FBXW12: variants seen among roughly 807,000 people sequenced by gnomAD.
FBXW12 encodes the protein F-box/WD repeat-containing protein 12.
In FBXW12, 43 loss-of-function variants were observed where a neutral mutation model predicts 55.3. The observed-to-expected ratio is 0.78, with a 90% CI of 0.61 to 1.00. FBXW12 has a LOEUF of 1.00. Among genes scored for constraint, FBXW12 ranks in the 50% least tolerant of loss-of-function variants. FBXW12 has a pLI of 0.00. For missense variants in FBXW12, 524 were observed against 560.5 expected (o/e 0.93, Z 0.66); for synonymous variants, 184 against 203.8 (o/e 0.90, Z 0.83).
chr3:48,392,502 T>C (rs1199268872), intron 10 of FBXW12, among the ~76,000 whole-genome samples: 1 of 151,106 alleles, frequency 6.6e-6, no homozygotes, highest in Admixed American at 6.6e-5. Context: ...ATGTTTTGAT[T>C]ACTATAGTTT....
At chr3:48,380,510 C>G (rs1312209838) in intron 7 of FBXW12, among the ~76,000 whole-genome samples, 192 bp from the exon 8 acceptor site, 1 of 152,168 alleles carries the variant, frequency 6.6e-6, no homozygotes, top group East Asian at 1.9e-4. Context: ...GTGAATGGGA[C>G]AGGAAGAATA....
At chr3:48,372,578 A>T in intron 1 of FBXW12, 106 bp from the exon 2 acceptor site, 1 of 1,346,094 alleles carries the variant, frequency 7.4e-7, no homozygotes, top group Non-Finnish European at 1.0e-6. Context: ...AGCTGTGTGG[A>T]TCAGGCCCCA....
rs1242088477 is a variant in FBXW12, at chr3:48,373,569, G to C, written c.150G>C (p.Trp50Cys). Reference sequence around the variant, plus strand: ...CCAGGTCACTATCTCTGCAGAGATGGGACTGCAGCAACTTCACCAATCAAC... The same window carrying C: ...CCAGGTCACTATCTCTGCAGAGATGCGACTGCAGCAACTTCACCAATCAAC... ...YLWRSLSLQR[W>C]DCSNFTNQHL... The change falls in exon 4 of 11, where the codon TGG (tryptophan) becomes TGC (cysteine). Residue 50 changes from tryptophan (W) to cysteine (C), a missense_variant. Trp to Cys is a radical substitution (Grantham distance 215, BLOSUM62 -2). Transcript: ENST00000296438. The C allele has an allele frequency of 3.7e-6, 6 of 1,613,932 alleles. No homozygotes were observed. Among genetic ancestry groups the C allele is most frequent in the African/African-American group, 2.7e-5 (2 of 74,892 alleles).
At chr3:48,393,786 T>C (rs910493220) in intron 10 of FBXW12, among the ~76,000 whole-genome samples, 1 of 150,292 alleles carries the variant, frequency 6.7e-6, no homozygotes, top group African/African-American at 2.4e-5. Flanking sequence ...TTCTTTCTTT[T>C]TTTTTTTTTT....
At chr3:48,385,645 C>T (rs1470790419) in intron 10 of FBXW12, among the ~76,000 whole-genome samples, 1 of 152,182 alleles carries the variant, frequency 6.6e-6, no homozygotes, top group African/African-American at 2.4e-5. Context: ...CCACCTACAA[C>T]ATACATGGGT....
intron 10 of FBXW12, among the ~76,000 whole-genome samples, chr3:48,389,420 G>A (rs897954359): frequency 1.3e-5 from 2 of 152,002 alleles, no homozygotes; most frequent in Admixed American, 6.6e-5. Context: ...ACTCTGTCAC[G>A]TAGGCTGGAG....
intron 8 of FBXW12, 110 bp downstream of exon 8, chr3:48,381,022 GTTTT>G (rs11378351): frequency 1.1e-3 from 610 of 572,012 alleles, no homozygotes; most frequent in Non-Finnish European, 1.3e-3. Context: ...GGGATTTCTA[GTTTT>G]TTTTTTTTTT....
At chr3:48,390,664 T>C (rs1174734021) in intron 10 of FBXW12, among the ~76,000 whole-genome samples, 1 of 152,034 alleles carries the variant, frequency 6.6e-6, no homozygotes, top group Non-Finnish European at 1.5e-5. Flanking sequence ...TCCGCCTGCC[T>C]CAGCCTCCCA....
rs1376798904 is a variant in FBXW12 at position 48,378,598 on chromosome 3, A to T, written c.615+72A>T. ...TTGTCTTGTCAGGCATCCGTGTCAC[A>T]TTACTGTCCTATCCCTTTTTTTTTT... On this transcript the variant is annotated intron_variant, in intron 6 of 10. Coordinates refer to ENST00000296438, the MANE Select transcript of FBXW12 (RefSeq NM_207102.2). 12 of 1,131,734 alleles carry T rather than the reference A, an allele frequency of 1.1e-5. No individual in the cohort carries two copies. The Admixed American group carries it at 1.9e-4, about 18-fold the overall frequency. 70.1% of individuals were successfully genotyped at this position (1,131,734 alleles called of 1,614,324 possible).
Position 48,379,325 on chromosome 3 carries a change from C to T in FBXW12, c.616-75C>T, listed in dbSNP as rs1575359870. ...AGAAACAGTGGCATATCTTGCAGCT[C>T]ATAGTGCTGCCTCCTCTGTACTTCA... On this transcript the variant is annotated intron_variant, in intron 6 of 10. Transcript: ENST00000296438. 7 of 1,376,102 alleles carry T rather than the reference C, an allele frequency of 5.1e-6. No individual in the cohort carries two copies. The East Asian group carries it at 1.4e-4, about 27-fold the overall frequency. The allele number at this position is 1,376,102 out of a possible 1,614,324, so 85.2% of individuals were successfully genotyped here.
chr3:48,372,443 A>C, intron 1 of FBXW12, 123 bp downstream of exon 1: 1 of 1,280,766 alleles, frequency 7.8e-7, no homozygotes, highest in Non-Finnish European at 1.1e-6. Flanking sequence ...AAGGGTTCTG[A>C]CAACTTCATC....
intron 3 of FBXW12, 67 bp downstream of exon 3, chr3:48,373,412 G>C (rs1158215507): frequency 6.8e-6 from 11 of 1,613,376 alleles, no homozygotes; most frequent in Non-Finnish European, 9.3e-6. Context: ...CCCATGCTGT[G>C]TCCCAAGGCC....
At chr3:48,389,010 CT>C (rs1427405019) in intron 10 of FBXW12, among the ~76,000 whole-genome samples, 1 of 152,182 alleles carries the variant, frequency 6.6e-6, no homozygotes, top group Non-Finnish European at 1.5e-5. Flanking sequence ...TGTTCCCTGT[CT>C]AACCCCCTGC....
chr3:48,375,470 G>C lies in FBXW12; in HGVS notation c.403G>C (p.Glu135Gln). 2.5e-6 allele frequency: 4 copies of C among 1,585,690 alleles called. No individual in the cohort carries two copies. The highest frequency in any genetic ancestry group is 3.4e-6 in the Non-Finnish European group (4 of 1,160,806). ...KQELCAWDVQ[E>Q]GTMIWSSPVQ... ...AGAGCTTTGTGCCTGGGATGTGCAA[G>C]AGGTGAGTCTGGCCAATATGTGGCA... Residue 135 changes from glutamate to glutamine, a missense_variant and splice_region_variant, in exon 5 of 11, where the codon GAG becomes CAG. By Grantham distance (29) the Glu-to-Gln change is conservative (BLOSUM62 2). Coordinates refer to ENST00000296438, the MANE Select transcript of FBXW12 (RefSeq NM_207102.2).
At chr3:48,393,666 G>A (rs112082998) in intron 10 of FBXW12, among the ~76,000 whole-genome samples, 2,125 of 152,222 alleles carry the variant, frequency 0.014, 54 homozygotes, top group African/African-American at 0.047. Context: ...GCTCACGCCT[G>A]TAATCCCAGC....
chr3:48,390,137 T>G (rs1342232925), intron 10 of FBXW12, among the ~76,000 whole-genome samples: 1 of 152,192 alleles, frequency 6.6e-6, no homozygotes, highest in Non-Finnish European at 1.5e-5. Flanking sequence ...TAGTTTGAAG[T>G]CAGATAATTG....
At chr3:48,386,928 T>TCTA (rs2036855519) in intron 10 of FBXW12, among the ~76,000 whole-genome samples, 3 of 133,744 alleles carry the variant, frequency 2.2e-5, no homozygotes, top group Non-Finnish European at 3.2e-5. Flanking sequence ...TTTGTAGTTT[T>TCTA]CTTCTTCTTC....
chr3:48,383,153 A>G (rs990042529), intron 10 of FBXW12, among the ~76,000 whole-genome samples: 2 of 152,270 alleles, frequency 1.3e-5, no homozygotes, highest in African/African-American at 4.8e-5. Flanking sequence ...TTAAATATCT[A>G]TAAGCATGCT....
chr3:48,375,357 T>C lies in FBXW12; in HGVS notation c.290T>C (p.Phe97Ser), dbSNP rs1215781657. 3.1e-6 allele frequency: 5 copies of C among 1,591,436 alleles called. No homozygotes were observed. Among genetic ancestry groups the C allele is most frequent in the Non-Finnish European group, 4.3e-6 (5 of 1,160,558 alleles). Residue 97 changes from phenylalanine to serine, a missense_variant, in exon 5 of 11, where the codon TTT (phenylalanine) becomes TCT (serine). Phe to Ser is a radical substitution (Grantham distance 155, BLOSUM62 -2). Transcript: ENST00000296438. ...AGTCTTCTATGTTTCCTTCTAGCAT[T>C]TGAGACGGAGTTGGCTTATCTCTCA... ...FIYKVTKNIA[F>S]ETELAYLSGN... is the part of the protein sequence containing the mutation.
Sources: allele counts gnomAD v4.1 joint callset (sites outside exome capture counted in the v4.1 genomes callset), GRCh38; gene constraint gnomAD v4.1.1; transcripts MANE v1.5; gene names NCBI Gene and HGNC (gene_info 2026-07-23, HGNC 2026-07-21).